Variants in GLIS1 observed in about 807,000 individuals in gnomAD.
GLIS1 encodes the protein zinc finger protein GLIS1.
GLIS1 carries 24 observed loss-of-function variants against 63.8 expected under a neutral mutation model. That is an observed-to-expected ratio of 0.38 (90% CI 0.27 to 0.53). The LOEUF (loss-of-function observed/expected upper bound fraction) is 0.53. Ranked by LOEUF, GLIS1 falls within the 20% of genes least tolerant of loss-of-function variation. The probability of loss-of-function intolerance (pLI) is 0.85; values close to 1 mark genes in which losing one functional copy is unlikely to be tolerated. For missense variants in GLIS1, 1,036 were observed against 1,074.1 expected, an observed-to-expected ratio of 0.96 and a Z score of 0.50; for synonymous variants, 450 against 482.5, an observed-to-expected ratio of 0.93 and a Z score of 0.88.
intron 4 of GLIS1, among the ~76,000 whole-genome samples, chr1:53,567,052 T>C (rs115246531): frequency 0.013 from 1,976 of 152,304 alleles, 45 homozygotes; most frequent in African/African-American, 0.045. Flanking sequence ...CAGAAGAAGA[T>C]AGGAAGATAT....
At chr1:53,615,130 T>G (rs185314094) in intron 2 of GLIS1, among the ~76,000 whole-genome samples, 1 of 152,314 alleles carries the variant, frequency 6.6e-6, no homozygotes, top group East Asian at 1.9e-4. Context: ...GGTCTGTGAA[T>G]AGTTCCCTGT....
At chr1:53,558,090 G>A (rs916775802) in intron 4 of GLIS1, among the ~76,000 whole-genome samples, 11 of 152,326 alleles carry the variant, frequency 7.2e-5, no homozygotes, top group Non-Finnish European at 1.3e-4. Flanking sequence ...CCTGCAGTGG[G>A]TACTGCCCCT....
chr1:53,675,763 G>A (rs539285228), intron 2 of GLIS1, among the ~76,000 whole-genome samples: 7 of 152,228 alleles, frequency 4.6e-5, no homozygotes, highest in African/African-American at 1.7e-4. Context: ...AGCAAAGTCC[G>A]GACTCGAACA....
chr1:53,577,453 C>T (rs1048676248), intron 4 of GLIS1, among the ~76,000 whole-genome samples: 3 of 152,204 alleles, frequency 2.0e-5, no homozygotes, highest in African/African-American at 7.2e-5. Context: ...CTGGAGCTGA[C>T]AAACACGTGA....
At chr1:53,736,644 C>T (rs1646915439) in intron 2 of GLIS1, among the ~76,000 whole-genome samples, 1 of 152,180 alleles carries the variant, frequency 6.6e-6, no homozygotes, top group South Asian at 2.1e-4. Context: ...ATCTCTATCC[C>T]TTGAAAAAGA....
chr1:53,731,483 C>A (rs1009016409), intron 2 of GLIS1, among the ~76,000 whole-genome samples: 1 of 152,342 alleles, frequency 6.6e-6, no homozygotes, highest in Middle Eastern at 3.4e-3. Context: ...TCCTTCCCAG[C>A]CGCCTGGGTT....
At chr1:53,606,571 G>T (rs1222990214) in intron 2 of GLIS1, among the ~76,000 whole-genome samples, 7 of 152,188 alleles carry the variant, frequency 4.6e-5, no homozygotes, top group Non-Finnish European at 1.0e-4. Context: ...TCTCTGGGCT[G>T]CCTCGTCACT....
At chr1:53,701,195 T>C (rs1210618312) in intron 2 of GLIS1, among the ~76,000 whole-genome samples, 4 of 152,224 alleles carry the variant, frequency 2.6e-5, no homozygotes, top group Non-Finnish European at 5.9e-5. Flanking sequence ...TTCGAGGAAC[T>C]ACCAGACTAT....
chr1:53,547,518 C>A (rs1644715569), intron 4 of GLIS1, among the ~76,000 whole-genome samples: 1 of 152,244 alleles, frequency 6.6e-6, no homozygotes, highest in Non-Finnish European at 1.5e-5. Flanking sequence ...TCACTTACCT[C>A]CGCCAGGCTC....
intron 2 of GLIS1, among the ~76,000 whole-genome samples, chr1:53,709,375 TAC>T (rs1379520647): frequency 2.4e-4 from 16 of 66,396 alleles, no homozygotes; most frequent in African/African-American, 1.2e-3. Context: ...CATATATATA[TAC>T]ATATATACAT....
intron 2 of GLIS1, among the ~76,000 whole-genome samples, chr1:53,643,685 T>C (rs1362553167): frequency 6.6e-6 from 1 of 152,124 alleles, no homozygotes; most frequent in Non-Finnish European, 1.5e-5. Flanking sequence ...ACCACGAACA[T>C]GAGCGAACGG....
intron 2 of GLIS1, among the ~76,000 whole-genome samples, chr1:53,732,161 C>T (rs1045354795): frequency 1.3e-5 from 2 of 152,326 alleles, no homozygotes; most frequent in East Asian, 1.9e-4. Context: ...AAACACAGCT[C>T]GTAATGCTAA....
chr1:53,650,414 A>G (rs758267496), intron 2 of GLIS1, among the ~76,000 whole-genome samples: 36 of 152,208 alleles, frequency 2.4e-4, no homozygotes, highest in Admixed American at 3.9e-4. Flanking sequence ...ACATGGCGAA[A>G]CCACGTCTCT....
intron 2 of GLIS1, among the ~76,000 whole-genome samples, chr1:53,611,523 G>T (rs1645424810): frequency 6.6e-6 from 1 of 152,192 alleles, no homozygotes; most frequent in Admixed American, 6.5e-5. Flanking sequence ...GCTCAATATT[G>T]TGTATGAAAT....
At chr1:53,730,369 A>G (rs1306479399) in intron 2 of GLIS1, among the ~76,000 whole-genome samples, 2 of 152,196 alleles carry the variant, frequency 1.3e-5, no homozygotes, top group Admixed American at 6.5e-5. Flanking sequence ...ACTAGGTATT[A>G]AATACCCAAC....
At chr1:53,626,477 G>A (rs1378832515) in intron 2 of GLIS1, among the ~76,000 whole-genome samples, 1 of 152,230 alleles carries the variant, frequency 6.6e-6, no homozygotes, top group Non-Finnish European at 1.5e-5. Context: ...CCCTGAGCTG[G>A]CCGTGGAGGC....
At chr1:53,552,099 A>T (rs140404166) in intron 4 of GLIS1, among the ~76,000 whole-genome samples, 1 of 151,892 alleles carries the variant, frequency 6.6e-6, no homozygotes, top group East Asian at 1.9e-4. Context: ...CACTCCCTCT[A>T]ATCACCCCCA....
chr1:53,554,754 C>T (rs537436963), intron 4 of GLIS1, among the ~76,000 whole-genome samples: 3 of 152,220 alleles, frequency 2.0e-5, no homozygotes, highest in Admixed American at 6.5e-5. Flanking sequence ...CCCCCACAGC[C>T]GGGTCTGACA....
intron 4 of GLIS1, among the ~76,000 whole-genome samples, chr1:53,551,445 C>G (rs893627022): frequency 6.6e-6 from 1 of 152,214 alleles, no homozygotes; most frequent in Non-Finnish European, 1.5e-5. Context: ...AGGGGGGTCC[C>G]TCAGCCTCTG....
Sources: gnomAD v4.1 joint callset for allele counts (sites outside exome capture counted in the v4.1 genomes callset) on GRCh38, gnomAD v4.1.1 for gene constraint, MANE v1.5 for transcripts, NCBI Gene and HGNC (gene_info 2026-07-23, HGNC 2026-07-21) for gene names.